G3BP2: variants seen among roughly 807,000 people sequenced by gnomAD.
G3BP2 encodes the protein ras GTPase-activating protein-binding protein 2.
G3BP2 carries 11 observed loss-of-function variants against 56.7 expected under a neutral mutation model. The ratio of observed to expected loss-of-function variants is 0.19; its 90% confidence interval spans 0.12 to 0.32. The LOEUF (loss-of-function observed/expected upper bound fraction) is 0.32. Ranked by LOEUF, G3BP2 falls within the 10% of genes least tolerant of loss-of-function variation. G3BP2 has a pLI of 1.00. For synonymous variants in G3BP2, 165 were observed against 191.6 expected, an observed-to-expected ratio of 0.86 and a Z score of 1.15; for missense variants, 340 against 610.9, an observed-to-expected ratio of 0.56 and a Z score of 4.67.
chr4:75,694,349 C>T (rs924486765), intron 3 of G3BP2, among the ~76,000 whole-genome samples: 6 of 152,188 alleles, frequency 3.9e-5, no homozygotes, highest in African/African-American at 1.4e-4. Flanking sequence ...CGCCTGGAAT[C>T]CCAGCACTTT....
At chr4:75,672,295 A>G (rs1733548191) in intron 1 of G3BP2, among the ~76,000 whole-genome samples, 1 of 152,204 alleles carries the variant, frequency 6.6e-6, no homozygotes, top group Non-Finnish European at 1.5e-5. Flanking sequence ...TTCGCCCCAA[A>G]GCGGCAAAGG....
chr4:75,674,725 T>A (rs1429692207), upstream of G3BP2, among the ~76,000 whole-genome samples: 19,343 of 79,332 alleles, frequency 0.24, 3,083 homozygotes, highest in Middle Eastern at 0.35. Flanking sequence ...TATATTTTTT[T>A]TTTTTTTTTT....
intron 1 of G3BP2, among the ~76,000 whole-genome samples, chr4:75,668,984 C>A (rs1733274178): frequency 6.6e-6 from 1 of 152,180 alleles, no homozygotes; most frequent in Admixed American, 6.5e-5. Context: ...GAATGCAATT[C>A]TCTGGAAACA....
chr4:75,670,620 T>C (rs879438720), intron 1 of G3BP2, among the ~76,000 whole-genome samples: 3 of 152,240 alleles, frequency 2.0e-5, no homozygotes, highest in Admixed American at 6.5e-5. Flanking sequence ...AAATAAAGCA[T>C]GTATTTATAC....
intron 1 of G3BP2, among the ~76,000 whole-genome samples, chr4:75,663,288 G>A (rs6531821): frequency 0.38 from 58,327 of 151,834 alleles, 11,968 homozygotes; most frequent in African/African-American, 0.5. Context: ...ACAGGGTCTC[G>A]CTCTGTCACC....
intron 1 of G3BP2, among the ~76,000 whole-genome samples, chr4:75,667,010 G>A (rs1241404606): frequency 2.0e-5 from 3 of 152,164 alleles, no homozygotes; most frequent in Non-Finnish European, 2.9e-5. Context: ...AAGAAGGCCT[G>A]GTGCAGTGGC....
chr4:75,715,833 C>T (rs1451158943), intron 3 of G3BP2, among the ~76,000 whole-genome samples: 7 of 152,136 alleles, frequency 4.6e-5, no homozygotes, highest in African/African-American at 1.4e-4. Context: ...GGACAAATTA[C>T]GAACTTTTTA....
In G3BP2 at chr4:75,714,212, A is replaced by G. The variant is rs537189532; in HGVS notation, c.-25+6665T>C. ...TGTTCATTTCCTGGTTTTGATTATT[A>G]AAATCATTGAGAAAATACTTTTGTC... On this transcript the variant is annotated intron_variant, in intron 3 of 3. Transcript: ENST00000499709. Among the ~76,000 whole-genome samples the G allele has an allele frequency of 3.9e-5, 6 of 152,362 alleles. No individual in the cohort carries two copies. The South Asian group carries it at 1.0e-3, about 26-fold the overall frequency.
At chr4:75,654,976 A>C in intron 7 of G3BP2, 90 bp downstream of exon 7, 6 of 812,068 alleles carry the variant, frequency 7.4e-6, no homozygotes, top group Non-Finnish European at 1.2e-5. Flanking sequence ...TTACTAAACA[A>C]TTTAACATAA....
intron 1 of G3BP2, among the ~76,000 whole-genome samples, chr4:75,668,236 T>C (rs777341313): frequency 1.1e-4 from 17 of 152,216 alleles, no homozygotes; most frequent in Non-Finnish European, 2.1e-4. Context: ...TATCCTACAA[T>C]GAACTTATAT....
Position 75,652,870 on chromosome 4 carries a change from ATTTTAAC to A in G3BP2, c.825+1106_825+1112del, listed in dbSNP as rs201838314. Among the ~76,000 whole-genome samples, 1,335 of 152,318 alleles carry A rather than the reference ATTTTAAC, an allele frequency of 8.8e-3. 15 individuals carry two copies. Among genetic ancestry groups the A allele is most frequent in the African/African-American group, 0.03 (1,264 of 41,560 alleles). Reference sequence around the variant, plus strand: ...CATATCAAAGGCATAAGCACTAGCTATTTTAACTTTTAACTGTTTAAACTCTCTGAAA... The same window carrying A: ...CATATCAAAGGCATAAGCACTAGCTATTTTAACTGTTTAAACTCTCTGAAA... On this transcript the variant is annotated intron_variant, in intron 8 of 11. Coordinates refer to ENST00000359707, the MANE Select transcript of G3BP2 (RefSeq NM_203505.3).
intron 3 of G3BP2, among the ~76,000 whole-genome samples, chr4:75,701,764 G>T (rs767281637): frequency 2.0e-5 from 3 of 152,104 alleles, no homozygotes; most frequent in Admixed American, 2.0e-4. Flanking sequence ...AAGGCTTTTG[G>T]ACTCAAACAC....
At chr4:75,674,718 ATTTTTTTTTTTTTTTT>A (rs71203842), upstream of G3BP2, among the ~76,000 whole-genome samples, 3 of 71,422 alleles carry the variant, frequency 4.2e-5, no homozygotes, top group African/African-American at 1.8e-4. Flanking sequence ...ATATATATAT[ATTTTTTTTTTTTTTTT>A]TTTTTTAAGA....
intron 7 of G3BP2, chr4:75,654,780 C>G (rs1334376935): frequency 2.1e-5 from 6 of 290,616 alleles, no homozygotes; most frequent in African/African-American, 1.1e-4. Context: ...AATGAAAGAA[C>G]AACTGACAGC....
At chr4:75,692,941 T>G (rs1034082109) in intron 3 of G3BP2, among the ~76,000 whole-genome samples, 2 of 152,204 alleles carry the variant, frequency 1.3e-5, no homozygotes, top group African/African-American at 4.8e-5. Context: ...AACTGATTGC[T>G]GGCTTTTAAA....
intron 3 of G3BP2, among the ~76,000 whole-genome samples, chr4:75,680,402 GT>G (rs1460502300): frequency 6.6e-6 from 1 of 152,196 alleles, no homozygotes; most frequent in Non-Finnish European, 1.5e-5. Context: ...CACTAGTCAG[GT>G]TAGTTCATTC....
intron 3 of G3BP2, among the ~76,000 whole-genome samples, chr4:75,697,896 T>G (rs1468736313): frequency 6.6e-6 from 1 of 152,162 alleles, no homozygotes; most frequent in Non-Finnish European, 1.5e-5. Flanking sequence ...ATCGTGCCAC[T>G]GCACTCCAGC....
At chr4:75,674,706 ATATATATATATATTTTTTTTTT>A (rs1194620214), upstream of G3BP2, among the ~76,000 whole-genome samples, 4 of 43,076 alleles carry the variant, frequency 9.3e-5, no homozygotes, top group Non-Finnish European at 1.9e-4. Flanking sequence ...ATATATATAT[ATATATATATATATTTTTTTTTT>A]TTTTTTTTTT....
chr4:75,648,892 T>C (rs1423781783), intron 8 of G3BP2, 151 bp from the exon 9 acceptor site: 4 of 537,548 alleles, frequency 7.4e-6, no homozygotes, highest in East Asian at 2.8e-5. Context: ...GAAAAATAAA[T>C]TTTTATCAAG....
Sources: allele counts gnomAD v4.1 joint callset (sites outside exome capture counted in the v4.1 genomes callset), GRCh38; gene constraint gnomAD v4.1.1; transcripts MANE v1.5; gene names NCBI Gene and HGNC (gene_info 2026-07-23, HGNC 2026-07-21).